Variants in PXDN observed in about 807,000 individuals in gnomAD.
PXDN encodes peroxidasin.
PXDN carries 77 observed loss-of-function variants against 140.3 expected under a neutral mutation model. The ratio of observed to expected loss-of-function variants is 0.55; its 90% CI spans 0.46 to 0.66. The LOEUF is 0.66. Among genes scored for constraint, PXDN ranks in the 30% least tolerant of loss-of-function variants. PXDN has a pLI of 0.00. For missense variants in PXDN, 1,838 were observed against 2,039.5 expected (o/e 0.90, Z 1.90); for synonymous variants, 911 against 857.4 (o/e 1.06, Z -1.09).
At position 1,684,134 on chromosome 2, in the gene PXDN, T is replaced by C; in HGVS notation, c.434A>G (p.Gln145Arg). ...CGAATCTGGGTCCAAAGTTTCTATC[T>C]GATTAAAGTGCAGGTATCTAGAGGA... is the stretch of plus-strand genomic sequence containing the variant. ...SLEQLYLHFN[Q>R]IETLDPDSFQ... Residue 145 changes from glutamine to arginine, a missense_variant, in exon 5 of 23, where the codon CAG (glutamine) becomes CGG (arginine). Physicochemically the swap from Gln to Arg is conservative, Grantham distance 43. Coordinates refer to ENST00000252804, the MANE Select transcript of PXDN (RefSeq NM_012293.3). The C allele has an allele frequency of 6.3e-7, 1 of 1,583,638 alleles. No homozygotes were observed. Among genetic ancestry groups the C allele is most frequent in the South Asian group, 1.2e-5 (1 of 86,026 alleles).
chr2:1,710,917 C>CCG (rs1684752633), intron 1 of PXDN, among the ~76,000 whole-genome samples: 1 of 111,758 alleles, frequency 8.9e-6, no homozygotes, highest in Admixed American at 9.8e-5. Flanking sequence ...CCACCAGCAC[C>CCG]CACTCCACCA....
chr2:1,716,294 T>C (rs1684891613), intron 1 of PXDN, among the ~76,000 whole-genome samples: 1 of 151,750 alleles, frequency 6.6e-6, no homozygotes, highest in Non-Finnish European at 1.5e-5. Flanking sequence ...AAAAATTAGC[T>C]GGGCATGGTG....
chr2:1,665,093 T>A lies in PXDN; in HGVS notation c.1292-19A>T. 6.5e-7 allele frequency: 1 copy of A among 1,544,860 alleles called. No homozygotes were observed. Among genetic ancestry groups the A allele is most frequent in the South Asian group, 1.2e-5 (1 of 85,942 alleles). On this transcript the variant is annotated intron_variant, in intron 10 of 22. Coordinates refer to ENST00000252804, the MANE Select transcript of PXDN (RefSeq NM_012293.3). ...GGAAGAGCTTCCGGAGAGAAAGCAT[T>A]CAAAACAGGACATGTAAAAAACAGC...
chr2:1,731,466 A>G (rs1685313563), intron 1 of PXDN, among the ~76,000 whole-genome samples: 1 of 152,194 alleles, frequency 6.6e-6, no homozygotes, highest in Admixed American at 6.5e-5. Flanking sequence ...GAGCCTTCAC[A>G]TAACCTCCTC....
intron 1 of PXDN, among the ~76,000 whole-genome samples, chr2:1,741,772 C>CA (rs1685550909): frequency 6.6e-6 from 1 of 151,886 alleles, no homozygotes; most frequent in Non-Finnish European, 1.5e-5. Context: ...CAATTTCTAC[C>CA]AAAAAATTGT....
At chr2:1,728,830 G>A (rs1685248009) in intron 1 of PXDN, among the ~76,000 whole-genome samples, 1 of 152,178 alleles carries the variant, frequency 6.6e-6, no homozygotes. Flanking sequence ...AGGAATGCAC[G>A]CGAAACAGGA....
intron 6 of PXDN, 112 bp from the exon 7 acceptor site, chr2:1,680,474 G>C: frequency 7.5e-7 from 1 of 1,329,176 alleles, no homozygotes; most frequent in South Asian, 1.2e-5. Flanking sequence ...AGGCCTGCCA[G>C]GCTTGCGACA....
intron 16 of PXDN, among the ~76,000 whole-genome samples, chr2:1,652,539 G>C (rs959777118): frequency 2.0e-5 from 3 of 152,028 alleles, no homozygotes; most frequent in Non-Finnish European, 2.9e-5. Context: ...TTCACCCATC[G>C]AGAAAAGCAG....
chr2:1,737,311 G>A (rs1272180877), intron 1 of PXDN, among the ~76,000 whole-genome samples: 1 of 152,102 alleles, frequency 6.6e-6, no homozygotes, highest in African/African-American at 2.4e-5. Flanking sequence ...ACATCCTCCA[G>A]AATAAAGAAA....
chr2:1,648,711 A>C lies in PXDN; in HGVS notation c.3069T>G (p.Gly1023=). The change falls in exon 17 of 23, where the codon GGT becomes GGG. Residue 1023 remains glycine (G), a synonymous_variant. Transcript: ENST00000252804. The surrounding 1 kb of genome is among the most constrained non-coding windows in gnomAD (Gnocchi z 8.9). Reference sequence around the variant, plus strand: ...GGTAGGTGATGTGCTGGATCTCCGCACCCACGATCTTCCTGGTCTCATAGT... The same window carrying C: ...GGTAGGTGATGTGCTGGATCTCCGCCCCCACGATCTTCCTGGTCTCATAGT... ...TIYYETRKIV[G]AEIQHITYQH... is the part of the protein sequence containing the mutation. The C allele has an allele frequency of 3.1e-6, 5 of 1,605,056 alleles. No individual in the cohort carries two copies. Among genetic ancestry groups the C allele is most frequent in the Non-Finnish European group, 3.4e-6 (4 of 1,176,300 alleles).
At chr2:1,670,444 G>A (rs144933464) in intron 9 of PXDN, among the ~76,000 whole-genome samples, 89 of 152,296 alleles carry the variant, frequency 5.8e-4, no homozygotes, top group African/African-American at 1.9e-3. Context: ...AGCATTTTGG[G>A]AAGAGGGGAA....
intron 1 of PXDN, among the ~76,000 whole-genome samples, chr2:1,736,000 T>C (rs1257146311): frequency 3.3e-5 from 5 of 152,232 alleles, no homozygotes; most frequent in Non-Finnish European, 5.9e-5. Context: ...ACTTTTATCT[T>C]ATGCAGTTGG....
chr2:1,709,209 G>C (rs542703726), intron 1 of PXDN, among the ~76,000 whole-genome samples: 2 of 152,314 alleles, frequency 1.3e-5, no homozygotes, highest in South Asian at 4.1e-4. Context: ...ACAGGTGCGG[G>C]GACCACGAGC....
At chr2:1,736,788 A>G (rs192498231) in intron 1 of PXDN, among the ~76,000 whole-genome samples, 3 of 152,340 alleles carry the variant, frequency 2.0e-5, no homozygotes, top group Admixed American at 6.5e-5. Context: ...TTGGAGGCGG[A>G]TGTCAAAACT....
intron 9 of PXDN, among the ~76,000 whole-genome samples, chr2:1,667,904 C>G (rs1186514693): frequency 1.3e-5 from 2 of 152,092 alleles, no homozygotes; most frequent in Admixed American, 6.6e-5. Context: ...TTCAATGCTA[C>G]TCCCATCAAG....
rs145604613 is a variant in PXDN, at chr2:1,698,871, G to C, written c.201-5737C>G. Among the ~76,000 whole-genome samples the C allele has an allele frequency of 5.6e-3, 857 of 152,268 alleles. 12 individuals are homozygous for C. The highest frequency in any genetic ancestry group is 0.02 in the African/African-American group (820 of 41,550). On this transcript the variant is annotated intron_variant, in intron 1 of 22. Transcript: ENST00000252804. ...TGAACTATGAATTTTTCAATTTACA[G>C]TCTCAAAAACAGAACACAGATTCAT... is the stretch of plus-strand genomic sequence containing the variant.
At chr2:1,669,025 C>G (rs1024727742) in intron 9 of PXDN, among the ~76,000 whole-genome samples, 1 of 152,142 alleles carries the variant, frequency 6.6e-6, no homozygotes, top group African/African-American at 2.4e-5. Flanking sequence ...GCACTACTCA[C>G]AATAGCAAAG....
chr2:1,730,576 C>T (rs1356343083), intron 1 of PXDN, among the ~76,000 whole-genome samples: 2 of 152,148 alleles, frequency 1.3e-5, no homozygotes, highest in African/African-American at 2.4e-5. Context: ...GGCGGACGGC[C>T]CAGCCACAGG....
chr2:1,695,209 A>G (rs1684274171), intron 1 of PXDN, among the ~76,000 whole-genome samples: 1 of 152,110 alleles, frequency 6.6e-6, no homozygotes, highest in Non-Finnish European at 1.5e-5. Flanking sequence ...CCACAAAACC[A>G]CCTTCCTGAC....
Sources: allele counts gnomAD v4.1 joint callset (sites outside exome capture counted in the v4.1 genomes callset), GRCh38; gene constraint gnomAD v4.1.1; non-coding constraint Gnocchi (gnomAD v3.1); transcripts MANE v1.5; gene names NCBI Gene and HGNC (gene_info 2026-07-23, HGNC 2026-07-21).